The following CCDC33 variants were observed in gnomAD, a reference collection of about 807,000 sequenced individuals.
CCDC33 encodes coiled-coil domain-containing protein 33.
CCDC33 carries 94 observed loss-of-function variants against 91.9 expected under a neutral mutation model. That is an observed-to-expected ratio of 1.02 (90% CI 0.87 to 1.21). The LOEUF is 1.21. Ranked by LOEUF, CCDC33 falls within the 50% of genes most tolerant of loss-of-function variation. CCDC33 has a pLI of 0.00. For synonymous variants in CCDC33, 396 were observed against 374.5 expected (o/e 1.06, Z -0.66); for missense variants, 940 against 935.5 (o/e 1.00, Z -0.06).
At chr15:74,209,270 G>T in intron 1 of CCDC33, 1 of 1,253,600 alleles carries the variant, frequency 8.0e-7, no homozygotes, top group Non-Finnish European at 1.1e-6. Context: ...GGCCCTCAGA[G>T]TCACCTCAGT....
At chr15:74,246,784 T>C (rs920560455) in intron 2 of CCDC33, among the ~76,000 whole-genome samples, 1 of 152,102 alleles carries the variant, frequency 6.6e-6, no homozygotes, top group African/African-American at 2.4e-5. Flanking sequence ...AAATTGAAAA[T>C]AAAACTACCA....
chr15:74,293,932 T>C (rs1416100362), intron 10 of CCDC33, among the ~76,000 whole-genome samples: 1 of 152,234 alleles, frequency 6.6e-6, no homozygotes, highest in Non-Finnish European at 1.5e-5. Context: ...AGAAACATCT[T>C]CACATTAATG....
chr15:74,325,358 T>C (rs2142844663), intron 11 of CCDC33, among the ~76,000 whole-genome samples: 1 of 152,100 alleles, frequency 6.6e-6, no homozygotes, highest in East Asian at 1.9e-4. Flanking sequence ...TGCCACAGTG[T>C]CTCCTCTGCC....
At chr15:74,253,159 G>GA (rs1314540911) in intron 2 of CCDC33, among the ~76,000 whole-genome samples, 1 of 152,204 alleles carries the variant, frequency 6.6e-6, no homozygotes, top group Non-Finnish European at 1.5e-5. Context: ...AGGCAGGCCA[G>GA]AGGGGGCCTT....
At position 74,329,005 on chromosome 15, in the gene CCDC33, A is replaced by G. The variant is rs540176820; in HGVS notation, c.1291-1184A>G. Among the ~76,000 whole-genome samples the G allele has an allele frequency of 9.9e-5, 15 of 152,248 alleles. 1 individual carries two copies. The South Asian group carries it at 1.7e-3, about 17-fold the overall frequency. On this transcript the variant is annotated intron_variant, in intron 11 of 18. Coordinates refer to ENST00000398814, the MANE Select transcript of CCDC33 (RefSeq NM_025055.5). ...TCCATCCAGACCTCTCTGGCTTCAC[A>G]TCGAGGTTGCAGTGAGCTATGATGG... is the stretch of plus-strand genomic sequence containing the variant.
At chr15:74,270,283 G>A (rs2076278430) in intron 5 of CCDC33, among the ~76,000 whole-genome samples, 2 of 152,178 alleles carry the variant, frequency 1.3e-5, no homozygotes, top group African/African-American at 4.8e-5. Flanking sequence ...TCACTCCTGG[G>A]CCCTCGCCAG....
intron 2 of CCDC33, among the ~76,000 whole-genome samples, chr15:74,247,533 A>G (rs1249120630): frequency 6.6e-6 from 1 of 152,208 alleles, no homozygotes; most frequent in Non-Finnish European, 1.5e-5. Flanking sequence ...ACATTCTGCC[A>G]TTTGCGATAA....
At chr15:74,251,233 G>T (rs921476803) in intron 2 of CCDC33, among the ~76,000 whole-genome samples, 2 of 152,234 alleles carry the variant, frequency 1.3e-5, no homozygotes, top group African/African-American at 4.8e-5. Context: ...CAGATTCTGT[G>T]CCCAGGTCTA....
intron 9 of CCDC33, among the ~76,000 whole-genome samples, 166 bp downstream of exon 9, chr15:74,280,967 T>G (rs2059350317): frequency 6.6e-6 from 1 of 152,194 alleles, no homozygotes; most frequent in East Asian, 1.9e-4. Flanking sequence ...AGGAGCTCCC[T>G]GGAACCCCAG....
At chr15:74,238,713 C>T (rs1252373982) in intron 1 of CCDC33, among the ~76,000 whole-genome samples, 1 of 152,154 alleles carries the variant, frequency 6.6e-6, no homozygotes, top group Admixed American at 6.5e-5. Flanking sequence ...GAATGCTTCT[C>T]TGCTCCAAAG....
chr15:74,218,979 C>G lies in CCDC33; in HGVS notation c.675+118C>G. ...TGAGCTGAGCAGAGCAGCAGAGCTC[C>G]CAAGGCTGCCATGTTCAGTCTGAGG... On this transcript the variant is annotated intron_variant, in intron 2 of 2. Coordinates refer to the CCDC33 transcript ENST00000635913. The surrounding 1 kb of genome is among the most constrained non-coding windows in gnomAD (Gnocchi z 4.8). 1 of 1,019,264 alleles carries G rather than the reference C, an allele frequency of 9.8e-7. No individual in the cohort carries two copies. Among genetic ancestry groups the G allele is most frequent in the Non-Finnish European group, 1.3e-6 (1 of 794,448 alleles). 63.1% of individuals were successfully genotyped at this position (1,019,264 alleles called of 1,614,324 possible).
At chr15:74,253,930 G>C (rs1335118732) in intron 2 of CCDC33, among the ~76,000 whole-genome samples, 1 of 152,124 alleles carries the variant, frequency 6.6e-6, no homozygotes, top group Non-Finnish European at 1.5e-5. Context: ...TGCCCAGGCT[G>C]GTTCAAACTC....
chr15:74,239,248 G>A (rs564981431), intron 1 of CCDC33, among the ~76,000 whole-genome samples: 1 of 152,136 alleles, frequency 6.6e-6, no homozygotes, highest in Admixed American at 6.5e-5. Context: ...GGGAGGAGTG[G>A]GTGGAAGAGT....
chr15:74,336,130 G>A lies in CCDC33; in HGVS notation c.*77G>A, dbSNP rs188325593. The A allele has an allele frequency of 6.4e-7, 1 of 1,569,842 alleles. No homozygotes were observed. Among genetic ancestry groups the A allele is most frequent in the East Asian group, 2.3e-5 (1 of 44,078 alleles). On this transcript the variant is annotated 3_prime_UTR_variant, in exon 19 of 19. Coordinates refer to ENST00000398814, the MANE Select transcript of CCDC33 (RefSeq NM_025055.5). ...CCTAAAAATGACGTTATTAAATGTTGTAGCTCTGTGAGCATTTTCCTCTTT... is the reference window on the plus strand; with the variant it reads ...CCTAAAAATGACGTTATTAAATGTTATAGCTCTGTGAGCATTTTCCTCTTT...
intron 3 of CCDC33, among the ~76,000 whole-genome samples, chr15:74,265,053 C>T (rs887463873): frequency 6.6e-6 from 1 of 152,284 alleles, no homozygotes; most frequent in Admixed American, 6.5e-5. Flanking sequence ...GATACCTTGG[C>T]AAGTGTTCAG....
At chr15:74,239,129 G>A (rs1435183260) in intron 1 of CCDC33, among the ~76,000 whole-genome samples, 1 of 152,184 alleles carries the variant, frequency 6.6e-6, no homozygotes, top group Non-Finnish European at 1.5e-5. Context: ...CAGGCACCCT[G>A]CCTCCCAGCC....
intron 3 of CCDC33, 52 bp downstream of exon 3, chr15:74,262,625 C>T: frequency 6.4e-7 from 1 of 1,566,706 alleles, no homozygotes; most frequent in South Asian, 1.2e-5. Context: ...GTGAACACAG[C>T]CAAGGACTTA....
intron 11 of CCDC33, among the ~76,000 whole-genome samples, chr15:74,313,172 G>T (rs1381655634): frequency 6.6e-6 from 1 of 152,214 alleles, no homozygotes; most frequent in Admixed American, 6.5e-5. Context: ...CAGGGGCCAA[G>T]GCTTGGACAG....
chr15:74,234,445 G>A (rs1011715312), upstream of CCDC33, among the ~76,000 whole-genome samples: 2 of 152,156 alleles, frequency 1.3e-5, no homozygotes, highest in Non-Finnish European at 2.9e-5. Flanking sequence ...AGGTAGAGCA[G>A]CTGGGCTCAT....
Sources: gnomAD v4.1 joint callset for allele counts (sites outside exome capture counted in the v4.1 genomes callset) on GRCh38, gnomAD v4.1.1 for gene constraint, Gnocchi (gnomAD v3.1) non-coding constraint, MANE v1.5 for transcripts, NCBI Gene and HGNC (gene_info 2026-07-23, HGNC 2026-07-21) for gene names.